The following PREX2 variants were observed in gnomAD, a reference collection of about 807,000 sequenced individuals.
The protein encoded by PREX2 is phosphatidylinositol 3,4,5-trisphosphate-dependent Rac exchanger 2 protein.
In PREX2, 107 loss-of-function variants were observed where a neutral mutation model predicts 203.2. The ratio of observed to expected loss-of-function variants is 0.53; its 90% confidence interval spans 0.45 to 0.62. The LOEUF is 0.62. Ranked by LOEUF, PREX2 falls within the 20% of genes least tolerant of loss-of-function variation. PREX2 has a pLI of 0.00. For missense variants in PREX2, 1,777 were observed against 1,955.9 expected, an observed-to-expected ratio of 0.91 and a Z score of 1.72; for synonymous variants, 672 against 663.6, an observed-to-expected ratio of 1.01 and a Z score of -0.19.
chr8:68,098,159 A>G (rs569377492), intron 22 of PREX2, among the ~76,000 whole-genome samples: 5 of 152,304 alleles, frequency 3.3e-5, no homozygotes, highest in South Asian at 2.1e-4. Flanking sequence ...CTCCTACTGT[A>G]TCCTCCACAG....
At chr8:68,058,870 A>G (rs1808759999) in intron 10 of PREX2, among the ~76,000 whole-genome samples, 1 of 152,234 alleles carries the variant, frequency 6.6e-6, no homozygotes, top group Non-Finnish European at 1.5e-5. Context: ...GGCAAAGTAC[A>G]TGATATTAAC....
rs1442304026 is a variant in PREX2, at chr8:67,994,712, T to C, written c.142-23134T>C. Among the ~76,000 whole-genome samples, 3 of 152,196 alleles carry C rather than the reference T, an allele frequency of 2.0e-5. No individual in the cohort carries two copies. In the East Asian group the frequency reaches 5.8e-4, roughly 29 times the overall value. ...GAGAATCAGAGAAACATATTTGACC[T>C]GGTCTTCAAGAATTTTATCAACAAC... On this transcript the variant is annotated intron_variant, in intron 1 of 39. Transcript: ENST00000288368.
intron 23 of PREX2, among the ~76,000 whole-genome samples, chr8:68,103,132 G>C (rs907344728): frequency 2.6e-5 from 4 of 152,224 alleles, no homozygotes; most frequent in Middle Eastern, 3.4e-3. Context: ...ATTACCTGCA[G>C]GAACTGGAAG....
intron 37 of PREX2, among the ~76,000 whole-genome samples, chr8:68,196,199 G>A (rs1432990061): frequency 6.6e-6 from 1 of 151,908 alleles, no homozygotes; most frequent in African/African-American, 2.4e-5. Flanking sequence ...TTAAATAGTG[G>A]CAGAGGAGTA....
intron 16 of PREX2, 34 bp downstream of exon 16, chr8:68,080,619 CT>C (rs765482626): frequency 6.5e-7 from 1 of 1,538,346 alleles, no homozygotes; most frequent in South Asian, 1.2e-5. Flanking sequence ...AAGTTTTCTT[CT>C]TGATTAGACA....
intron 1 of PREX2, among the ~76,000 whole-genome samples, chr8:67,980,638 A>C (rs558465526): frequency 6.6e-6 from 1 of 152,224 alleles, no homozygotes; most frequent in African/African-American, 2.4e-5. Flanking sequence ...CATAATCCCC[A>C]TGTGTCAAGG....
chr8:68,071,181 T>G (rs753969417), intron 13 of PREX2, among the ~76,000 whole-genome samples: 1 of 152,200 alleles, frequency 6.6e-6, no homozygotes, highest in Non-Finnish European at 1.5e-5. Flanking sequence ...GCTGCATCTG[T>G]AAGAGCTGAT....
At chr8:68,155,785 T>C (rs924550177) in intron 34 of PREX2, among the ~76,000 whole-genome samples, 1 of 152,172 alleles carries the variant, frequency 6.6e-6, no homozygotes, top group African/African-American at 2.4e-5. Flanking sequence ...GTGATTTATT[T>C]CCTCTCCAAA....
chr8:68,217,618 G>A lies in PREX2; in HGVS notation c.4607G>A (p.Cys1536Tyr), dbSNP rs199813003. ...IIMCSSGVHR[C>Y]TLSVTLEQAI... is the part of the protein sequence containing the mutation. ...CTTGCCCTTGCCTTGGCCCACAGGT[G>A]CACCCTGAGCGTGACGCTGGAGCAA... Residue 1536 changes from cysteine to tyrosine, a missense_variant and splice_region_variant, in exon 38 of 40, where the codon TGC becomes TAC. Coordinates refer to ENST00000288368, the MANE Select transcript of PREX2 (RefSeq NM_024870.4). 5 of 1,613,854 alleles carry A rather than the reference G, an allele frequency of 3.1e-6. No individual in the cohort carries two copies. The East Asian group carries it at 6.7e-5, about 22-fold the overall frequency.
At chr8:68,106,713 A>T (rs1366010201) in intron 23 of PREX2, among the ~76,000 whole-genome samples, 2 of 152,188 alleles carry the variant, frequency 1.3e-5, no homozygotes, top group Non-Finnish European at 2.9e-5. Context: ...TTAATCTAGA[A>T]AAGTTAGATA....
intron 33 of PREX2, among the ~76,000 whole-genome samples, chr8:68,144,834 C>T (rs766004523): frequency 6.6e-6 from 1 of 152,014 alleles, no homozygotes; most frequent in African/African-American, 2.4e-5. Context: ...AGTTTTAGTT[C>T]CTTGATTCCT....
At chr8:67,974,212 G>A (rs1015541287) in intron 1 of PREX2, among the ~76,000 whole-genome samples, 2 of 152,040 alleles carry the variant, frequency 1.3e-5, no homozygotes, top group African/African-American at 4.8e-5. Flanking sequence ...TAGGAACCTC[G>A]TGTTTGAAAG....
At chr8:68,029,982 G>A (rs1807833854) in intron 5 of PREX2, among the ~76,000 whole-genome samples, 1 of 151,986 alleles carries the variant, frequency 6.6e-6, no homozygotes, top group Non-Finnish European at 1.5e-5. Context: ...TATTGTAGAA[G>A]TTTTAAATTA....
rs142804262 is a variant in PREX2, at chr8:68,043,833, T to C, written c.840-654T>C. On this transcript the variant is annotated intron_variant, in intron 7 of 39. Coordinates refer to ENST00000288368, the MANE Select transcript of PREX2 (RefSeq NM_024870.4). ...ATCTGTAAAGCTGGATTTTTGACTTTGTGTTACATACTTTTTAAGATTAAA... is the reference window on the plus strand; with the variant it reads ...ATCTGTAAAGCTGGATTTTTGACTTCGTGTTACATACTTTTTAAGATTAAA... 5.6e-4 allele frequency among the ~76,000 whole-genome samples: 85 copies of C among 152,248 alleles called. 1 individual carries two copies. In the East Asian group the frequency reaches 0.015, roughly 27 times the overall value.
At chr8:68,004,901 C>T (rs896640336) in intron 1 of PREX2, among the ~76,000 whole-genome samples, 7 of 152,090 alleles carry the variant, frequency 4.6e-5, no homozygotes, top group Non-Finnish European at 1.0e-4. Flanking sequence ...CCTAATTCAG[C>T]CCACAGAAGG....
In PREX2 at chr8:67,969,515, A is replaced by G. The variant is rs376607387; in HGVS notation, c.141+16980A>G. The stretch of plus-strand genomic sequence containing the variant: ...AATAATAAGGATTAGGACCAAAATT[A>G]TAACCCAAGGAGAGGTAGATTTTGA... On this transcript the variant is annotated intron_variant, in intron 1 of 39. Coordinates refer to ENST00000288368, the MANE Select transcript of PREX2 (RefSeq NM_024870.4). 2.5e-3 allele frequency among the ~76,000 whole-genome samples: 379 copies of G among 152,320 alleles called. 11 individuals carry two copies. In the South Asian group the frequency reaches 0.063, roughly 25 times the overall value.
intron 1 of PREX2, among the ~76,000 whole-genome samples, chr8:68,006,904 C>T (rs1807113811): frequency 6.6e-6 from 1 of 152,130 alleles, no homozygotes; most frequent in Admixed American, 6.5e-5. Context: ...ATAGACAAAG[C>T]TATATAGACA....
At chr8:67,969,493 A>C (rs1484868098) in intron 1 of PREX2, among the ~76,000 whole-genome samples, 2 of 152,008 alleles carry the variant, frequency 1.3e-5, no homozygotes, top group African/African-American at 4.8e-5. Flanking sequence ...ATCCCATAAT[A>C]ATAAGGATTA....
At chr8:68,219,341 T>A (rs891652914) in intron 38 of PREX2, among the ~76,000 whole-genome samples, 1 of 152,162 alleles carries the variant, frequency 6.6e-6, no homozygotes, top group Non-Finnish European at 1.5e-5. Flanking sequence ...CAGGCCCCGA[T>A]GACTCACTTA....
Sources: gnomAD v4.1 joint callset for allele counts (sites outside exome capture counted in the v4.1 genomes callset) on GRCh38, gnomAD v4.1.1 for gene constraint, MANE v1.5 for transcripts, NCBI Gene and HGNC (gene_info 2026-07-23, HGNC 2026-07-21) for gene names.